Variants in RAP1A observed in about 807,000 individuals in gnomAD.
The protein encoded by RAP1A is RAP1A, member of RAS oncogene family.
A neutral mutation model predicts 26.4 loss-of-function variants in RAP1A; 6 were observed. That is an observed-to-expected ratio of 0.23 (90% CI 0.12 to 0.45). The LOEUF (loss-of-function observed/expected upper bound fraction) is 0.45. RAP1A is among the 20% of genes least tolerant of loss of function. RAP1A has a pLI of 0.99. For missense variants in RAP1A, 121 were observed against 217.2 expected, an observed-to-expected ratio of 0.56 and a Z score of 2.78; for synonymous variants, 73 against 79.4, an observed-to-expected ratio of 0.92 and a Z score of 0.43.
At chr1:111,680,200 C>T (rs1473288954) in intron 1 of RAP1A, among the ~76,000 whole-genome samples, 2 of 152,174 alleles carry the variant, frequency 1.3e-5, no homozygotes, top group African/African-American at 4.8e-5. Flanking sequence ...GTTAACAGCT[C>T]TTAAAGGTGG....
intron 3 of RAP1A, among the ~76,000 whole-genome samples, chr1:111,695,917 G>A (rs1015518589): frequency 4.6e-5 from 7 of 152,122 alleles, no homozygotes; most frequent in African/African-American, 1.7e-4. Flanking sequence ...TGTAAACTGT[G>A]GACTCTTGGT....
chr1:111,656,608 C>G (rs2101148070), intron 1 of RAP1A, among the ~76,000 whole-genome samples: 2 of 152,272 alleles, frequency 1.3e-5, no homozygotes, highest in East Asian at 3.9e-4. Context: ...CTCCAGTGGT[C>G]AAGTTCTCAG....
chr1:111,600,399 G>A (rs1658647906), intron 1 of RAP1A, among the ~76,000 whole-genome samples: 1 of 152,230 alleles, frequency 6.6e-6, no homozygotes, highest in African/African-American at 2.4e-5. Flanking sequence ...TCCCTTAAGT[G>A]TAAATGGATA....
intron 1 of RAP1A, among the ~76,000 whole-genome samples, chr1:111,625,779 CTTCTTTTTTCTTT>C (rs1324833821): frequency 1.3e-5 from 2 of 151,944 alleles, no homozygotes. Flanking sequence ...TTCTCTTCCT[CTTCTTTTTTCTTT>C]TTCTTTTTCT....
intron 1 of RAP1A, among the ~76,000 whole-genome samples, chr1:111,632,960 A>G (rs1033177154): frequency 6.7e-6 from 1 of 150,028 alleles, no homozygotes; most frequent in Non-Finnish European, 1.5e-5. Flanking sequence ...TGCAGCCTGC[A>G]GGGACCTTCA....
intron 1 of RAP1A, among the ~76,000 whole-genome samples, chr1:111,649,878 G>A (rs532113160): frequency 5.9e-5 from 9 of 152,114 alleles, no homozygotes; most frequent in Non-Finnish European, 1.2e-4. Flanking sequence ...CAGAATGTGA[G>A]ACCAGTTTGG....
At chr1:111,655,256 T>C (rs950035423) in intron 1 of RAP1A, among the ~76,000 whole-genome samples, 1 of 89,782 alleles carries the variant, frequency 1.1e-5, no homozygotes, top group Non-Finnish European at 2.2e-5. Context: ...AAAAAAACAA[T>C]GCAATAAAAC....
intron 1 of RAP1A, among the ~76,000 whole-genome samples, chr1:111,590,261 AT>A (rs1189607280): frequency 6.6e-6 from 1 of 152,096 alleles, no homozygotes; most frequent in African/African-American, 2.4e-5. Flanking sequence ...TAGGCATTTA[AT>A]TTTTTTATCT....
intron 1 of RAP1A, among the ~76,000 whole-genome samples, chr1:111,610,116 C>G (rs1020256135): frequency 1.3e-5 from 2 of 152,192 alleles, no homozygotes; most frequent in Admixed American, 6.5e-5. Flanking sequence ...AAGACTCACC[C>G]CCTCACTCTT....
chr1:111,557,196 C>A (rs1557848726), intron 1 of RAP1A, among the ~76,000 whole-genome samples: 1 of 152,108 alleles, frequency 6.6e-6, no homozygotes, highest in Admixed American at 6.5e-5. Context: ...GGAAAAGCAT[C>A]ATTTCTTCAA....
chr1:111,577,750 T>C lies in RAP1A; in HGVS notation c.-28+35241T>C, dbSNP rs533814634. Among the ~76,000 whole-genome samples the C allele has an allele frequency of 1.6e-4, 25 of 152,310 alleles. 1 individual carries two copies. The South Asian group carries it at 5.0e-3, about 30-fold the overall frequency. On this transcript the variant is annotated intron_variant, in intron 1 of 7. Coordinates refer to the RAP1A transcript ENST00000356415. Reference sequence around the variant, plus strand: ...TAAATGAGACATAAAGCATATAAAGTGATTGGCTTTTATTATAATTCTTTC... The same window carrying C: ...TAAATGAGACATAAAGCATATAAAGCGATTGGCTTTTATTATAATTCTTTC...
intron 1 of RAP1A, among the ~76,000 whole-genome samples, chr1:111,635,721 A>C (rs1445221456): frequency 6.6e-6 from 1 of 151,994 alleles, no homozygotes; most frequent in East Asian, 1.9e-4. Context: ...TTGTGCCACC[A>C]CACCCAGTTA....
rs370011555 is a variant in RAP1A, at chr1:111,691,274, T to C, written c.-27-60T>C. 1.1e-5 allele frequency: 14 copies of C among 1,232,646 alleles called. No individual in the cohort carries two copies. The South Asian group carries it at 1.7e-4, about 15-fold the overall frequency. The allele number at this position is 1,232,646 out of a possible 1,614,324, so 76.4% of individuals were successfully genotyped here. A position where few individuals can be genotyped will look rare whatever the true frequency, so the allele number is the denominator to read the frequency against. On this transcript the variant is annotated intron_variant, in intron 1 of 7. Coordinates refer to ENST00000369709, the MANE Select transcript of RAP1A (RefSeq NM_002884.4). ...CAAACTCCTATGTTTGATGCAGTAGTGTACATTATTAGACTGTTAGCATGT... is the reference window on the plus strand; with the variant it reads ...CAAACTCCTATGTTTGATGCAGTAGCGTACATTATTAGACTGTTAGCATGT...
intron 1 of RAP1A, among the ~76,000 whole-genome samples, chr1:111,600,705 G>A (rs778055149): frequency 4.6e-5 from 7 of 152,162 alleles, no homozygotes; most frequent in Non-Finnish European, 5.9e-5. Context: ...GAGAACCACT[G>A]GTGCCATTTA....
At chr1:111,644,808 T>C (rs1008201283) in intron 1 of RAP1A, among the ~76,000 whole-genome samples, 3 of 152,190 alleles carry the variant, frequency 2.0e-5, no homozygotes, top group Non-Finnish European at 4.4e-5. Context: ...CATAGATCTC[T>C]TTGAAATTTT....
At chr1:111,669,026 G>GAAAAAAA (rs58557062) in intron 1 of RAP1A, among the ~76,000 whole-genome samples, 1 of 19,844 alleles carries the variant, frequency 5.0e-5, no homozygotes, top group Non-Finnish European at 1.2e-4. Context: ...CCTATCTCAA[G>GAAAAAAA]AAAAAAAAAA....
At chr1:111,655,760 G>A (rs1281441197) in intron 1 of RAP1A, among the ~76,000 whole-genome samples, 4 of 141,504 alleles carry the variant, frequency 2.8e-5, no homozygotes, top group Admixed American at 7.7e-5. Context: ...TGCAAGCTCC[G>A]TCTCCTGGGT....
upstream of RAP1A, among the ~76,000 whole-genome samples, chr1:111,617,636 G>A (rs1055767271): frequency 7.3e-5 from 11 of 151,306 alleles, no homozygotes; most frequent in East Asian, 1.8e-3. Context: ...GGGTTTCACC[G>A]TGTTAGCCAG....
chr1:111,573,832 G>A lies in RAP1A; in HGVS notation c.-28+31323G>A, dbSNP rs189636125. Reference sequence around the variant, plus strand: ...TTTTTTTTCTTGTAAATTTGTTTAAGTCCCTTATAGATGCTGGAAATAAGA... The same window carrying A: ...TTTTTTTTCTTGTAAATTTGTTTAAATCCCTTATAGATGCTGGAAATAAGA... On this transcript the variant is annotated intron_variant, in intron 1 of 7. Coordinates refer to the RAP1A transcript ENST00000356415. Among the ~76,000 whole-genome samples, 557 of 151,764 alleles carry A rather than the reference G, an allele frequency of 3.7e-3. 2 individuals carry two copies. Among genetic ancestry groups the A allele is most frequent in the African/African-American group, 0.013 (521 of 41,344 alleles).
Sources: gnomAD v4.1 joint callset for allele counts (sites outside exome capture counted in the v4.1 genomes callset) on GRCh38, gnomAD v4.1.1 for gene constraint, MANE v1.5 for transcripts, NCBI Gene and HGNC (gene_info 2026-07-23, HGNC 2026-07-21) for gene names.